CCDC92B: variants seen among roughly 807,000 people sequenced by gnomAD.
CCDC92B encodes the protein coiled-coil domain-containing 92B.
In CCDC92B, 2 loss-of-function variants were observed where a neutral mutation model predicts 5.6. The observed-to-expected ratio is 0.36, with a 90% CI of 0.15 to 1.12. CCDC92B has a LOEUF of 1.12. Ranked by LOEUF, CCDC92B falls within the 50% of genes most tolerant of loss-of-function variation. The pLI is 0.40. For missense variants in CCDC92B, 271 were observed against 262.2 expected, an observed-to-expected ratio of 1.03 and a Z score of -0.23; for synonymous variants, 115 against 122.3, an observed-to-expected ratio of 0.94 and a Z score of 0.39.
intron 3 of CCDC92B, among the ~76,000 whole-genome samples, chr17:2,726,762 C>T (rs142516064): frequency 0.082 from 12,385 of 151,804 alleles, 1,111 homozygotes; most frequent in African/African-American, 0.22. Flanking sequence ...TACAGGCACC[C>T]GCTACCACAC....
intron 3 of CCDC92B, among the ~76,000 whole-genome samples, chr17:2,727,580 C>T (rs913014453): frequency 6.6e-6 from 1 of 152,200 alleles, no homozygotes; most frequent in Non-Finnish European, 1.5e-5. Context: ...AATCCCAGCA[C>T]TTTGGGAGGC....
chr17:2,735,587 T>C (rs571456770), intron 1 of CCDC92B, among the ~76,000 whole-genome samples: 17 of 152,178 alleles, frequency 1.1e-4, no homozygotes, highest in African/African-American at 1.9e-4. Flanking sequence ...GCTGCCACCA[T>C]GCCCGGCTAA....
chr17:2,735,250 G>T, intron 1 of CCDC92B, 82 bp from the exon 2 acceptor site: 6 of 920,694 alleles, frequency 6.5e-6, no homozygotes, highest in Non-Finnish European at 7.8e-6. Flanking sequence ...TGTCTCCTCC[G>T]CTCTAGGTCC....
At chr17:2,728,509 G>GGTA (rs1171152140) in intron 3 of CCDC92B, among the ~76,000 whole-genome samples, 6 of 152,016 alleles carry the variant, frequency 3.9e-5, no homozygotes, top group Admixed American at 3.9e-4. Context: ...GGGAGACTGA[G>GGTA]GCAGAATGGC....
rs1461664572 is a variant in CCDC92B at position 2,730,436 on chromosome 17, C to A, written c.178+10G>T. On this transcript the variant is annotated intron_variant, in intron 3 of 3. Coordinates refer to ENST00000614400, the MANE Select transcript of CCDC92B (RefSeq NM_001355573.2). ...CCATGACGCTTCCCCACCAGTGGTC[C>A]TTCTCTTACCTTGCTGGTGAGATTG... The A allele has an allele frequency of 2.0e-6, 2 of 984,690 alleles. No homozygotes were observed. The highest frequency in any genetic ancestry group is 3.5e-5 in the African/African-American group (2 of 57,066). 61.0% of individuals were successfully genotyped at this position (984,690 alleles called of 1,614,324 possible).
intron 3 of CCDC92B, among the ~76,000 whole-genome samples, chr17:2,726,036 C>T (rs2070725292): frequency 6.9e-6 from 1 of 144,568 alleles, no homozygotes; most frequent in African/African-American, 2.6e-5. Context: ...TGCTCTGTCG[C>T]CAGGCTGGAG....
chr17:2,746,276 C>A (rs2070985179), intron 1 of CCDC92B, among the ~76,000 whole-genome samples: 1 of 152,120 alleles, frequency 6.6e-6, no homozygotes, highest in African/African-American at 2.4e-5. Flanking sequence ...GCCACCGCGC[C>A]CAGCCTTTCC....
Position 2,724,596 on chromosome 17 carries a change from C to T in CCDC92B, c.583G>A (p.Asp195Asn), listed in dbSNP as rs2151735996. ...KGPGRDWAAW[D>N]RGAGALDDAD... ...TCGTCGAGGGCGCCGGCCCCGCGGT[C>T]CCAGGCGGCCCAGTCCCGGCCGGGG... is the stretch of plus-strand genomic sequence containing the variant. The change falls in exon 4 of 4, where the codon GAC (aspartate) becomes AAC (asparagine). Residue 195 changes from aspartate (D) to asparagine (N), a missense_variant. By Grantham distance (23) the Asp-to-Asn change is conservative. Transcript: ENST00000614400. This position sits in a 1 kb window ranked among gnomAD's most constrained non-coding sequence, Gnocchi z 5.0. 2.0e-6 allele frequency: 2 copies of T among 981,860 alleles called. No homozygotes were observed. The highest frequency in any genetic ancestry group is 2.4e-6 in the Non-Finnish European group (2 of 828,386). 60.8% of individuals were successfully genotyped at this position (981,860 alleles called of 1,614,324 possible). A position where few individuals can be genotyped will look rare whatever the true frequency, so the allele number is the denominator to read the frequency against.
chr17:2,724,237 C>T lies in CCDC92B; in HGVS notation c.*174G>A. 1.0e-6 allele frequency: 1 copy of T among 985,264 alleles called. No individual in the cohort carries two copies. The highest frequency in any genetic ancestry group is 1.2e-6 in the Non-Finnish European group (1 of 829,796). The allele number at this position is 985,264 out of a possible 1,614,324, so 61.0% of individuals were successfully genotyped here. ...AGAGGGCTCGAAGCTTTGGAAACGT[C>T]GGGAAGTACAAAAGGCTGGCGGTTC... On this transcript the variant is annotated 3_prime_UTR_variant, in exon 4 of 4. Coordinates refer to ENST00000614400, the MANE Select transcript of CCDC92B (RefSeq NM_001355573.2). The surrounding 1 kb of genome is among the most constrained non-coding windows in gnomAD (Gnocchi z 5.0).
intron 3 of CCDC92B, 120 bp from the exon 4 acceptor site, chr17:2,725,120 C>T: frequency 1.0e-6 from 1 of 985,666 alleles, no homozygotes; most frequent in Non-Finnish European, 1.2e-6. Flanking sequence ...TTTCTGCAAT[C>T]CCAGCACTTT....
chr17:2,731,856 G>A (rs142478169), intron 2 of CCDC92B, among the ~76,000 whole-genome samples: 11 of 152,348 alleles, frequency 7.2e-5, no homozygotes, highest in African/African-American at 2.4e-4. Flanking sequence ...CCTTGGCTCC[G>A]CCATTAACTC....
At chr17:2,730,205 G>T (rs1045606459) in intron 3 of CCDC92B, among the ~76,000 whole-genome samples, 3 of 152,168 alleles carry the variant, frequency 2.0e-5, no homozygotes, top group African/African-American at 7.2e-5. Context: ...AGGTGGTGCA[G>T]GTTGTTCACT....
intron 1 of CCDC92B, among the ~76,000 whole-genome samples, chr17:2,739,752 C>G (rs565404257): frequency 3.3e-5 from 5 of 152,038 alleles, no homozygotes; most frequent in Non-Finnish European, 4.4e-5. Context: ...GTGCTTAGCA[C>G]AGGACGTAGC....
intron 2 of CCDC92B, among the ~76,000 whole-genome samples, chr17:2,733,032 AAAT>A (rs1567614013): frequency 6.4e-4 from 33 of 51,928 alleles, no homozygotes; most frequent in Non-Finnish European, 1.7e-3. Context: ...AAATAAATAA[AAAT>A]AAATAAATAA....
rs74328705 is a variant in CCDC92B at position 2,743,782 on chromosome 17, T to C, written c.-24+5629A>G. Among the ~76,000 whole-genome samples, 637 of 152,356 alleles carry C rather than the reference T, an allele frequency of 4.2e-3. 14 individuals are homozygous for C. In the East Asian group the frequency reaches 0.065, roughly 16 times the overall value. ...CTTGCTCTCATCACCCAATTTAAAA[T>C]AGAAGCTTTTGTTACTCTGCATTCC... On this transcript the variant is annotated intron_variant, in intron 1 of 3. Coordinates refer to ENST00000614400, the MANE Select transcript of CCDC92B (RefSeq NM_001355573.2).
intron 3 of CCDC92B, among the ~76,000 whole-genome samples, chr17:2,729,559 G>C (rs1215215447): frequency 6.6e-6 from 1 of 151,172 alleles, no homozygotes; most frequent in African/African-American, 2.4e-5. Flanking sequence ...ATACTTCAGA[G>C]ACAATGGGTA....
At position 2,739,328 on chromosome 17, in the gene CCDC92B, T is replaced by C. The variant is rs575819196; in HGVS notation, c.-23-4160A>G. Reference sequence around the variant, plus strand: ...GTTGCAGTGAGCTGAGATCGCGCCATTGCACTCCAGCCTGGCGACAGAGCG... The same window carrying C: ...GTTGCAGTGAGCTGAGATCGCGCCACTGCACTCCAGCCTGGCGACAGAGCG... On this transcript the variant is annotated intron_variant, in intron 1 of 3. Coordinates refer to ENST00000614400, the MANE Select transcript of CCDC92B (RefSeq NM_001355573.2). 6.2e-4 allele frequency among the ~76,000 whole-genome samples: 91 copies of C among 145,680 alleles called. 2 individuals are homozygous for C. Among genetic ancestry groups the C allele is most frequent in the East Asian group, 3.3e-3 (16 of 4,788 alleles).
intron 1 of CCDC92B, among the ~76,000 whole-genome samples, 200 bp from the exon 2 acceptor site, chr17:2,735,368 C>A (rs1389337557): frequency 6.6e-6 from 1 of 152,240 alleles, no homozygotes; most frequent in Non-Finnish European, 1.5e-5. Context: ...TCATTACTCT[C>A]ATTTAACACA....
chr17:2,735,266 C>G, intron 1 of CCDC92B, 98 bp from the exon 2 acceptor site: 2 of 818,444 alleles, frequency 2.4e-6, no homozygotes, highest in Non-Finnish European at 3.0e-6. Flanking sequence ...GGTCCTGTTG[C>G]CACCAGGAAG....
Sources: allele counts gnomAD v4.1 joint callset (sites outside exome capture counted in the v4.1 genomes callset), GRCh38; gene constraint gnomAD v4.1.1; non-coding constraint Gnocchi (gnomAD v3.1); transcripts MANE v1.5; gene names NCBI Gene and HGNC (gene_info 2026-07-23, HGNC 2026-07-21).